PCDH15: variants seen among roughly 807,000 people sequenced by gnomAD.
PCDH15 encodes the protein protocadherin related 15, also known as protocadherin-15.
Under a neutral mutation model 178.5 loss-of-function variants are expected in PCDH15, and 129 were observed. That is an observed-to-expected ratio of 0.72 (90% CI 0.63 to 0.84). The LOEUF is 0.84. Ranked by LOEUF, PCDH15 falls within the 40% of genes least tolerant of loss-of-function variation. The pLI, the probability that PCDH15 is intolerant of heterozygous loss-of-function variation, is 0.00. For missense variants in PCDH15, 2,230 were observed against 2,099.9 expected (o/e 1.06, Z -1.21); for synonymous variants, 800 against 732.0 (o/e 1.09, Z -1.50).
chr10:54,217,921 GT>G (rs374289557), intron 9 of PCDH15, among the ~76,000 whole-genome samples: 1 of 151,664 alleles, frequency 6.6e-6, no homozygotes, highest in Non-Finnish European at 1.5e-5. Context: ...GCTTTTTTTT[GT>G]TTTTTTGTTT....
intron 2 of PCDH15, among the ~76,000 whole-genome samples, chr10:54,597,662 A>G (rs1052479893): frequency 6.6e-6 from 1 of 152,138 alleles, no homozygotes; most frequent in Non-Finnish European, 1.5e-5. Context: ...ACTGAGACAT[A>G]ATACAACCAT....
At chr10:54,126,365 T>C (rs1290954108) in intron 15 of PCDH15, among the ~76,000 whole-genome samples, 1 of 151,890 alleles carries the variant, frequency 6.6e-6, no homozygotes, top group African/African-American at 2.4e-5. Flanking sequence ...TCTTTGCAAT[T>C]TACCTGCTAT....
intron 23 of PCDH15, among the ~76,000 whole-genome samples, chr10:53,946,077 G>A (rs895500975): frequency 6.6e-6 from 1 of 151,878 alleles, no homozygotes; most frequent in Non-Finnish European, 1.5e-5. Context: ...TGAAAAAAAT[G>A]TTCAATATGA....
At chr10:55,011,260 A>G (rs938036082) in intron 2 of PCDH15, among the ~76,000 whole-genome samples, 3 of 152,092 alleles carry the variant, frequency 2.0e-5, no homozygotes, top group Admixed American at 2.0e-4. Flanking sequence ...GAAAATATAT[A>G]ATTGAGATTT....
chr10:54,494,888 C>T (rs1054723906), intron 3 of PCDH15, among the ~76,000 whole-genome samples: 1 of 152,006 alleles, frequency 6.6e-6, no homozygotes, highest in Non-Finnish European at 1.5e-5. Flanking sequence ...ATCCATTGCT[C>T]AATTCTGGAG....
At chr10:54,895,622 G>C (rs908863879) in intron 3 of PCDH15, among the ~76,000 whole-genome samples, 4 of 152,138 alleles carry the variant, frequency 2.6e-5, no homozygotes, top group African/African-American at 9.6e-5. Context: ...CTAATAATAC[G>C]CCTAAAAGAG....
At chr10:55,586,651 G>C (rs1842732501) in intron 2 of PCDH15, among the ~76,000 whole-genome samples, 1 of 152,080 alleles carries the variant, frequency 6.6e-6, no homozygotes, top group African/African-American at 2.4e-5. Context: ...CTGTAACTAA[G>C]TTCATTACTC....
intron 1 of PCDH15, among the ~76,000 whole-genome samples, chr10:55,290,591 T>C (rs1026986818): frequency 6.6e-6 from 1 of 152,142 alleles, no homozygotes; most frequent in Non-Finnish European, 1.5e-5. Flanking sequence ...CTCTTTAATA[T>C]ACATAATACC....
intron 3 of PCDH15, among the ~76,000 whole-genome samples, chr10:54,432,955 G>A (rs1322163105): frequency 6.6e-6 from 1 of 151,856 alleles, no homozygotes; most frequent in Non-Finnish European, 1.5e-5. Flanking sequence ...AATAGCAAAC[G>A]GGAACATGAG....
intron 2 of PCDH15, among the ~76,000 whole-genome samples, chr10:55,122,962 T>C (rs1837806746): frequency 6.6e-6 from 1 of 152,084 alleles, no homozygotes; most frequent in Non-Finnish European, 1.5e-5. Flanking sequence ...GAAACTTAAA[T>C]GTTCATCAAA....
At chr10:53,938,091 T>G (rs187732139) in intron 25 of PCDH15, among the ~76,000 whole-genome samples, 70 of 152,264 alleles carry the variant, frequency 4.6e-4, no homozygotes, top group African/African-American at 1.6e-3. Context: ...TAGCATTTAT[T>G]GCATTATTGA....
intron 5 of PCDH15, among the ~76,000 whole-genome samples, chr10:54,358,296 A>G (rs1045051772): frequency 7.2e-4 from 109 of 152,004 alleles, no homozygotes; most frequent in African/African-American, 2.6e-3. Context: ...CAGAATCTAC[A>G]ATGAACTCAA....
intron 5 of PCDH15, among the ~76,000 whole-genome samples, chr10:54,352,113 G>T (rs1215266165): frequency 1.3e-5 from 2 of 152,022 alleles, no homozygotes; most frequent in African/African-American, 4.8e-5. Context: ...ATTTTCTGGA[G>T]TCTCATGTGT....
At chr10:54,601,246 C>A (rs1033709647) in intron 2 of PCDH15, among the ~76,000 whole-genome samples, 18 of 151,860 alleles carry the variant, frequency 1.2e-4, no homozygotes, top group African/African-American at 3.6e-4. Context: ...ACCAGACAAC[C>A]AATAGAATGG....
intron 20 of PCDH15, among the ~76,000 whole-genome samples, chr10:54,011,141 G>C (rs11598843): frequency 0.2 from 30,645 of 152,092 alleles, 3,415 homozygotes; most frequent in Non-Finnish European, 0.25. Context: ...TTCCCAGTAG[G>C]AGCAGTTTTG....
chr10:54,066,581 T>A (rs1277645932), intron 18 of PCDH15, among the ~76,000 whole-genome samples, 176 bp downstream of exon 18: 2 of 152,202 alleles, frequency 1.3e-5, no homozygotes, highest in Non-Finnish European at 2.9e-5. Flanking sequence ...TAAATCTGTA[T>A]CCTTGAAAGT....
intron 2 of PCDH15, among the ~76,000 whole-genome samples, chr10:55,379,992 G>GA (rs1309554540): frequency 1.3e-5 from 2 of 151,996 alleles, no homozygotes; most frequent in Non-Finnish European, 2.9e-5. Context: ...ATAATCCAAT[G>GA]AAAGTCAATA....
chr10:54,200,879 A>C (rs2050165939), intron 10 of PCDH15, among the ~76,000 whole-genome samples: 1 of 152,054 alleles, frequency 6.6e-6, no homozygotes, highest in African/African-American at 2.4e-5. Flanking sequence ...CACACCTTAA[A>C]AATGTCAGTA....
intron 2 of PCDH15, among the ~76,000 whole-genome samples, chr10:54,542,557 A>G (rs1345171759): frequency 6.6e-6 from 1 of 152,212 alleles, no homozygotes; most frequent in Non-Finnish European, 1.5e-5. Context: ...TACTTTTTCC[A>G]TACATCACAT....
Sources: gnomAD v4.1 joint callset for allele counts (sites outside exome capture counted in the v4.1 genomes callset) on GRCh38, gnomAD v4.1.1 for gene constraint, MANE v1.5 for transcripts, NCBI Gene and HGNC (gene_info 2026-07-23, HGNC 2026-07-21) for gene names.